FXYD7: variants seen among roughly 807,000 people sequenced by gnomAD.
FXYD7 encodes FXYD domain containing ion transport regulator 7.
In FXYD7, 7 loss-of-function variants were observed where a neutral mutation model predicts 15.3. That is an observed-to-expected ratio of 0.46 (90% CI 0.26 to 0.86). The LOEUF (loss-of-function observed/expected upper bound fraction) is 0.86, where lower values mean the gene tolerates loss of function less well. Among genes scored for constraint, FXYD7 ranks in the 40% least tolerant of loss-of-function variants. The probability of loss-of-function intolerance (pLI) is 0.16; values close to 1 mark genes in which losing one functional copy is unlikely to be tolerated. For synonymous variants in FXYD7, 39 were observed against 39.3 expected, an observed-to-expected ratio of 0.99 and a Z score of 0.03; for missense variants, 78 against 100.6, an observed-to-expected ratio of 0.78 and a Z score of 0.96.
At position 35,143,270 on chromosome 19, in the gene FXYD7, C is replaced by T; in HGVS notation, c.-64C>T. On this transcript the variant is annotated 5_prime_UTR_variant, in exon 1 of 6. Transcript: ENST00000270310. The surrounding 1 kb of genome is among the most constrained non-coding windows in gnomAD (Gnocchi z 4.3). ...CTCCCCCCCACATCGGTCCGTCCTG[C>T]TTCCAGCTGCTGCAGCGCGCCTTCG... The T allele has an allele frequency of 7.5e-7, 1 of 1,331,944 alleles. No homozygotes were observed. 82.5% of individuals were successfully genotyped at this position (1,331,944 alleles called of 1,614,324 possible).
At chr19:35,150,721 G>A (rs2065306650) in intron 2 of FXYD7, among the ~76,000 whole-genome samples, 1 of 152,128 alleles carries the variant, frequency 6.6e-6, no homozygotes, top group Non-Finnish European at 1.5e-5. Flanking sequence ...GAGTGAGGTG[G>A]GGTGAGGTCC....
intron 2 of FXYD7, chr19:35,149,275 C>T: frequency 2.9e-6 from 1 of 341,962 alleles, no homozygotes; most frequent in Non-Finnish European, 5.8e-6. Context: ...CCCCACCCCA[C>T]CCCTTTGCTC....
At chr19:35,147,637 C>A (rs2065293086) in intron 1 of FXYD7, among the ~76,000 whole-genome samples, 1 of 152,178 alleles carries the variant, frequency 6.6e-6, no homozygotes, top group African/African-American at 2.4e-5. Flanking sequence ...CACATACACA[C>A]ACACACAGGG....
rs1342259856 is a variant in FXYD7, at chr19:35,154,167, TCCCGG to T, written c.*255_*259del. 4 of 537,462 alleles carry T rather than the reference TCCCGG, an allele frequency of 7.4e-6. No individual in the cohort carries two copies. The African/African-American group carries it at 8.0e-5, about 11-fold the overall frequency. 33.3% of individuals were successfully genotyped at this position (537,462 alleles called of 1,614,324 possible). A position where few individuals can be genotyped will look rare whatever the true frequency, so the allele number is the denominator to read the frequency against. The stretch of plus-strand genomic sequence containing the variant: ...CCAGCTCCTGGGATCCGGGAGTCCA[TCCCGG>T]CCCAGCACCCCCAGCATCCCCGTGT... On this transcript the variant is annotated 3_prime_UTR_variant, in exon 6 of 6. Transcript: ENST00000270310.
chr19:35,152,940 T>A (rs1217739165), intron 5 of FXYD7, among the ~76,000 whole-genome samples: 14 of 105,918 alleles, frequency 1.3e-4, no homozygotes, highest in South Asian at 3.9e-4. Context: ...TTCTTATAAC[T>A]AAAAAAAAAA....
intron 5 of FXYD7, 86 bp downstream of exon 5, chr19:35,151,759 C>A (rs2065311217): frequency 6.0e-6 from 4 of 662,036 alleles, no homozygotes; most frequent in South Asian, 5.5e-5. Flanking sequence ...CGGGGATGGA[C>A]TGGACGCAGG....
At chr19:35,145,123 G>C (rs1342455787) in intron 1 of FXYD7, among the ~76,000 whole-genome samples, 2 of 152,086 alleles carry the variant, frequency 1.3e-5, no homozygotes, top group Non-Finnish European at 2.9e-5. Flanking sequence ...GGAGGGGAGA[G>C]GGTCAAGATT....
chr19:35,148,089 AAGAAAGAG>A (rs1263988138), intron 1 of FXYD7, among the ~76,000 whole-genome samples: 136 of 121,026 alleles, frequency 1.1e-3, no homozygotes, highest in African/African-American at 3.4e-3. Context: ...GAAAGAAAGA[AAGAAAGAG>A]AGAGAGAAAG....
intron 5 of FXYD7, among the ~76,000 whole-genome samples, chr19:35,152,973 AGGGG>A (rs1457532566): frequency 1.1e-5 from 1 of 95,104 alleles, no homozygotes; most frequent in African/African-American, 3.9e-5. Context: ...AAAATGCGGG[AGGGG>A]GACACGGGTT....
chr19:35,148,007 GGAAAGAA>G (rs1453069829), intron 1 of FXYD7, among the ~76,000 whole-genome samples: 1 of 108,244 alleles, frequency 9.2e-6, no homozygotes, highest in African/African-American at 3.5e-5. Flanking sequence ...AAAGAAAGAA[GGAAAGAA>G]AGAAGAAAGA....
At chr19:35,149,108 G>A (rs1295693188) in intron 2 of FXYD7, 2 of 465,300 alleles carry the variant, frequency 4.3e-6, no homozygotes, top group East Asian at 6.5e-5. Context: ...GGGCCCTTCT[G>A]TAAACAAGGG....
intron 1 of FXYD7, among the ~76,000 whole-genome samples, chr19:35,144,205 G>T (rs1392176290): frequency 6.6e-6 from 1 of 152,072 alleles, no homozygotes; most frequent in Non-Finnish European, 1.5e-5. Flanking sequence ...CCAAACCACT[G>T]CAGTGAGACC....
chr19:35,151,198 T>C, intron 2 of FXYD7, 56 bp from the exon 3 acceptor site: 1 of 1,161,490 alleles, frequency 8.6e-7, no homozygotes, highest in Non-Finnish European at 1.3e-6. Context: ...AGGACTGGGC[T>C]CCAGGTGCAG....
chr19:35,151,409 G>C (rs368921863), intron 3 of FXYD7, 31 bp from the exon 4 acceptor site: 5 of 1,613,022 alleles, frequency 3.1e-6, no homozygotes, highest in African/African-American at 2.7e-5. Flanking sequence ...GCTATGTCCT[G>C]TCTTCTTGTT....
intron 1 of FXYD7, among the ~76,000 whole-genome samples, chr19:35,148,491 T>C (rs1266616627): frequency 1.3e-5 from 2 of 152,072 alleles, no homozygotes; most frequent in Admixed American, 6.5e-5. Context: ...ATGGAGTGAG[T>C]AGGGGCTGGA....
At chr19:35,145,032 G>A (rs1221070102) in intron 1 of FXYD7, among the ~76,000 whole-genome samples, 3 of 152,262 alleles carry the variant, frequency 2.0e-5, no homozygotes, top group Non-Finnish European at 2.9e-5. Context: ...AGCACAGCTG[G>A]GTCCGGGTCC....
At position 35,153,033 on chromosome 19, in the gene FXYD7, CTTTT is replaced by C. The variant is rs954084904; in HGVS notation, c.221-835_221-832del. 5.4e-3 allele frequency among the ~76,000 whole-genome samples: 236 copies of C among 44,056 alleles called. 3 individuals carry two copies. The highest frequency in any genetic ancestry group is 0.012 in the African/African-American group (116 of 9,590). 28.9% of individuals were successfully genotyped at this position (44,056 alleles called of 152,430 possible). On this transcript the variant is annotated intron_variant, in intron 5 of 5. Coordinates refer to ENST00000270310, the MANE Select transcript of FXYD7 (RefSeq NM_022006.2). Reference sequence around the variant, plus strand: ...TTGGTGTGGAATTTGTTTCACGTTCCTTTTTTTTTTTTTTTTTTTTTTTTTTTTT... The same window carrying C: ...TTGGTGTGGAATTTGTTTCACGTTCCTTTTTTTTTTTTTTTTTTTTTTTTT...
chr19:35,149,160 C>G (rs1425062203), intron 2 of FXYD7: 1 of 403,246 alleles, frequency 2.5e-6, no homozygotes, highest in Admixed American at 2.7e-5. Flanking sequence ...GGAAAGATAC[C>G]TGACTGGTGG....
intron 2 of FXYD7, among the ~76,000 whole-genome samples, chr19:35,149,860 T>C (rs10164394): frequency 0.49 from 74,746 of 152,080 alleles, 20,417 homozygotes; most frequent in African/African-American, 0.75. Flanking sequence ...TTTGGGAGGC[T>C]GAGGCAGGAG....
Sources: allele counts gnomAD v4.1 joint callset (sites outside exome capture counted in the v4.1 genomes callset), GRCh38; gene constraint gnomAD v4.1.1; non-coding constraint Gnocchi (gnomAD v3.1); transcripts MANE v1.5; gene names NCBI Gene and HGNC (gene_info 2026-07-23, HGNC 2026-07-21).